MYO3A: variants seen among roughly 807,000 people sequenced by gnomAD.
MYO3A encodes the protein myosin IIIA.
Under a neutral mutation model 192.7 loss-of-function variants are expected in MYO3A, and 180 were observed. The ratio of observed to expected loss-of-function variants is 0.93; its 90% CI spans 0.83 to 1.06. The LOEUF is 1.06. MYO3A is among the 50% of genes least tolerant of loss of function. The pLI is 0.00. For missense variants in MYO3A, 1,896 were observed against 1,905.0 expected (o/e 1.00, Z 0.09); for synonymous variants, 628 against 645.3 (o/e 0.97, Z 0.41).
In MYO3A at chr10:26,021,508, T is replaced by G. The variant is rs1588797241; in HGVS notation, c.591T>G (p.Ile197Met). ...GTPFWMAPEV[I>M]ACEQQLDTTY... Reference sequence around the variant, plus strand: ...ATGGTGTGGTTTTCTACTAGGTGATTGCATGTGAACAGCAATTGGATACCA... The same window carrying G: ...ATGGTGTGGTTTTCTACTAGGTGATGGCATGTGAACAGCAATTGGATACCA... Residue 197 changes from isoleucine (I) to methionine (M), a missense_variant, in exon 8 of 35, where the codon ATT (isoleucine) becomes ATG (methionine). Coordinates refer to ENST00000642920, the MANE Select transcript of MYO3A (RefSeq NM_017433.5). 3 of 1,613,976 alleles carry G rather than the reference T, an allele frequency of 1.9e-6. No individual in the cohort carries two copies. Among genetic ancestry groups the G allele is most frequent in the Non-Finnish European group, 2.5e-6 (3 of 1,179,920 alleles).
intron 15 of MYO3A, among the ~76,000 whole-genome samples, chr10:26,089,330 A>G (rs1836547052): frequency 6.6e-6 from 1 of 152,152 alleles, no homozygotes; most frequent in Admixed American, 6.6e-5. Context: ...GGCCGGGCAC[A>G]GTGGCTCACA....
chr10:26,064,049 A>T (rs138921369), intron 10 of MYO3A, among the ~76,000 whole-genome samples: 248 of 152,336 alleles, frequency 1.6e-3, no homozygotes, highest in Non-Finnish European at 2.7e-3. Flanking sequence ...GCATTATATT[A>T]ATTACAATCT....
intron 10 of MYO3A, among the ~76,000 whole-genome samples, chr10:26,049,022 C>G (rs1443825459): frequency 6.6e-6 from 1 of 152,142 alleles, no homozygotes; most frequent in Admixed American, 6.5e-5. Flanking sequence ...TGGTCTGTTG[C>G]AAGCCACGTA....
At chr10:26,112,141 A>G (rs1423445166) in intron 17 of MYO3A, among the ~76,000 whole-genome samples, 1 of 152,248 alleles carries the variant, frequency 6.6e-6, no homozygotes, top group African/African-American at 2.4e-5. Flanking sequence ...ATTGACAAAT[A>G]TAATTATTTA....
intron 22 of MYO3A, among the ~76,000 whole-genome samples, chr10:26,145,919 T>G (rs1205589219): frequency 6.6e-6 from 1 of 152,216 alleles, no homozygotes; most frequent in Non-Finnish European, 1.5e-5. Context: ...TAGCTGGCAA[T>G]GGTTACCTAT....
In MYO3A at chr10:25,949,416, G is replaced by T. The variant is rs1052761792; in HGVS notation, c.-17-2678G>T. Among the ~76,000 whole-genome samples the T allele has an allele frequency of 2.6e-4, 39 of 152,048 alleles. 1 individual carries two copies. Among genetic ancestry groups the T allele is most frequent in the Non-Finnish European group, 7.4e-5 (5 of 67,956 alleles). ...AACTCCTATTTCAGACCTTTAACAAGATTTAATTTGGTTTTTTGGTCTAAC... is the reference window on the plus strand; with the variant it reads ...AACTCCTATTTCAGACCTTTAACAATATTTAATTTGGTTTTTTGGTCTAAC... On this transcript the variant is annotated intron_variant, in intron 2 of 34. Coordinates refer to ENST00000642920, the MANE Select transcript of MYO3A (RefSeq NM_017433.5).
At chr10:25,935,544 T>G (rs1478397631) in intron 1 of MYO3A, among the ~76,000 whole-genome samples, 200 bp from the exon 2 acceptor site, 1 of 152,168 alleles carries the variant, frequency 6.6e-6, no homozygotes, top group Non-Finnish European at 1.5e-5. Context: ...AGCTTGAGAG[T>G]TGTTTAATGC....
chr10:26,151,024 G>A (rs555083742), intron 23 of MYO3A, among the ~76,000 whole-genome samples: 117 of 152,220 alleles, frequency 7.7e-4, no homozygotes, highest in African/African-American at 2.7e-3. Flanking sequence ...TAACTTCATA[G>A]TGTTCAGAGA....
chr10:26,201,557 G>A (rs1171667679), intron 33 of MYO3A, among the ~76,000 whole-genome samples: 2 of 151,900 alleles, frequency 1.3e-5, no homozygotes, highest in Admixed American at 6.6e-5. Flanking sequence ...GTAGTGGCAG[G>A]CGCCTGTAGT....
chr10:25,953,712 A>G (rs998665085), intron 3 of MYO3A, among the ~76,000 whole-genome samples: 3 of 152,106 alleles, frequency 2.0e-5, no homozygotes, highest in African/African-American at 7.2e-5. Context: ...TTACTCACAT[A>G]TGGTATACCT....
At chr10:25,937,003 A>T (rs566803118) in intron 2 of MYO3A, among the ~76,000 whole-genome samples, 1 of 152,138 alleles carries the variant, frequency 6.6e-6, no homozygotes, top group African/African-American at 2.4e-5. Context: ...GCAGAACCTC[A>T]TATAGAAGTC....
At chr10:25,936,809 T>C (rs546876367) in intron 2 of MYO3A, among the ~76,000 whole-genome samples, 18 of 152,288 alleles carry the variant, frequency 1.2e-4, no homozygotes, top group African/African-American at 4.3e-4. Context: ...AATGCTTTTC[T>C]AAAGGGCTTC....
intron 6 of MYO3A, among the ~76,000 whole-genome samples, chr10:26,016,052 C>T (rs991399798): frequency 6.6e-6 from 1 of 152,084 alleles, no homozygotes; most frequent in African/African-American, 2.4e-5. Flanking sequence ...GAGCTCTGTA[C>T]AGTCAGATAA....
At chr10:26,049,816 C>T (rs373699448) in intron 10 of MYO3A, among the ~76,000 whole-genome samples, 1 of 151,340 alleles carries the variant, frequency 6.6e-6, no homozygotes, top group Non-Finnish European at 1.5e-5. Flanking sequence ...GCTGGGACTA[C>T]AGGCACCCAC....
chr10:25,966,666 C>A (rs1358349180), intron 4 of MYO3A, among the ~76,000 whole-genome samples: 2 of 152,162 alleles, frequency 1.3e-5, no homozygotes, highest in Admixed American at 1.3e-4. Context: ...TCTTGAACCC[C>A]ATGCAGCAAA....
chr10:25,954,530 T>C (rs538049598), intron 3 of MYO3A, among the ~76,000 whole-genome samples: 1 of 152,248 alleles, frequency 6.6e-6, no homozygotes, highest in Admixed American at 6.5e-5. Context: ...TTCAGGTCAA[T>C]GGCTTTGCCC....
chr10:25,989,679 T>TC (rs111709509), intron 4 of MYO3A, among the ~76,000 whole-genome samples: 14,503 of 152,168 alleles, frequency 0.095, 1,215 homozygotes, highest in African/African-American at 0.22. Context: ...ACTATTATTA[T>TC]TAATCCAAAA....
At position 26,193,284 on chromosome 10, in the gene MYO3A, A is replaced by C; in HGVS notation, c.4518A>C (p.Glu1506Asp). The C allele has an allele frequency of 6.2e-7, 1 of 1,613,808 alleles. No homozygotes were observed. Among genetic ancestry groups the C allele is most frequent in the Non-Finnish European group, 8.5e-7 (1 of 1,179,794 alleles). The stretch of plus-strand genomic sequence containing the variant: ...AACCCAAAACATTAAATAACCCTGA[A>C]GACTCCACATACTATTATCTACTTC... The part of the protein sequence containing the change: ...PRKPKTLNNP[E>D]DSTYYYLLHK... The change falls in exon 32 of 35, where the codon GAA (glutamate) becomes GAC (aspartate). Residue 1506 changes from glutamate to aspartate, a missense_variant. By Grantham distance (45) the Glu-to-Asp change is conservative. Transcript: ENST00000642920.
chr10:26,039,448 T>A (rs1350535435), intron 10 of MYO3A, among the ~76,000 whole-genome samples: 3 of 151,988 alleles, frequency 2.0e-5, no homozygotes, highest in Non-Finnish European at 4.4e-5. Context: ...TTCAGAATAG[T>A]TTGAGGAGGA....
Sources: gnomAD v4.1 joint callset for allele counts (sites outside exome capture counted in the v4.1 genomes callset) on GRCh38, gnomAD v4.1.1 for gene constraint, MANE v1.5 for transcripts, NCBI Gene and HGNC (gene_info 2026-07-23, HGNC 2026-07-21) for gene names.